Variants in DOK6 observed in about 807,000 individuals in gnomAD.
The protein encoded by DOK6 is docking protein 6, also known as downstream of tyrosine kinase 6.
DOK6 carries 22 observed loss-of-function variants against 44.0 expected under a neutral mutation model. That is an observed-to-expected ratio of 0.50 (90% CI 0.36 to 0.71). The LOEUF (loss-of-function observed/expected upper bound fraction) is 0.71. Ranked by LOEUF, DOK6 falls within the 30% of genes least tolerant of loss-of-function variation. The pLI, the probability that DOK6 is intolerant of heterozygous loss-of-function variation, is 0.00. For missense variants in DOK6, 340 were observed against 416.4 expected, an observed-to-expected ratio of 0.82 and a Z score of 1.60; for synonymous variants, 166 against 145.5, an observed-to-expected ratio of 1.14 and a Z score of -1.01.
At chr18:69,411,053 A>G (rs1978303879) in intron 1 of DOK6, among the ~76,000 whole-genome samples, 1 of 152,132 alleles carries the variant, frequency 6.6e-6, no homozygotes, top group Non-Finnish European at 1.5e-5. Flanking sequence ...GGGGAGAGAA[A>G]ATCGAAGCAA....
chr18:69,428,192 T>A (rs1978697811), intron 1 of DOK6, among the ~76,000 whole-genome samples: 1 of 152,068 alleles, frequency 6.6e-6, no homozygotes, highest in Admixed American at 6.5e-5. Context: ...AATATGGTTT[T>A]TATATATAGA....
At chr18:69,505,606 T>A (rs1459783496) in intron 1 of DOK6, among the ~76,000 whole-genome samples, 1 of 149,142 alleles carries the variant, frequency 6.7e-6, no homozygotes, top group African/African-American at 2.5e-5. Flanking sequence ...CAAGCGATTC[T>A]CCTGCCTCAG....
chr18:69,769,707 T>G (rs1979832249), intron 7 of DOK6, among the ~76,000 whole-genome samples: 1 of 152,142 alleles, frequency 6.6e-6, no homozygotes, highest in Non-Finnish European at 1.5e-5. Flanking sequence ...AATAAACTGC[T>G]GTATATAAAA....
Position 69,698,544 on chromosome 18 carries a change from C to T in DOK6, c.550C>T (p.Leu184=), listed in dbSNP as rs771435064. The change falls in exon 5 of 8, where the codon CTG becomes TTG. Residue 184 remains leucine (L), a synonymous_variant. Coordinates refer to ENST00000382713, the MANE Select transcript of DOK6 (RefSeq NM_152721.6). Reference sequence around the variant, plus strand: ...ACTGGTGATGTGGCCTCTCAGCTCACTGAGGAGATACGGTCGGGACTCAAC... The same window carrying T: ...ACTGGTGATGTGGCCTCTCAGCTCATTGAGGAGATACGGTCGGGACTCAAC... The part of the protein sequence containing the change: ...VKLVMWPLSS[L]RRYGRDSTWF... 2.3e-5 allele frequency: 37 copies of T among 1,613,946 alleles called. No individual in the cohort carries two copies. The South Asian group carries it at 4.0e-4, about 17-fold the overall frequency.
intron 2 of DOK6, among the ~76,000 whole-genome samples, chr18:69,589,560 T>C (rs532032576): frequency 6.6e-6 from 1 of 152,240 alleles, no homozygotes; most frequent in East Asian, 1.9e-4. Flanking sequence ...TAATCTCAAT[T>C]ATCATGATGC....
chr18:69,728,910 G>A (rs1028030716), intron 5 of DOK6, among the ~76,000 whole-genome samples: 1 of 152,064 alleles, frequency 6.6e-6, no homozygotes, highest in Non-Finnish European at 1.5e-5. Flanking sequence ...GATCTCTCAA[G>A]AACCACCATG....
At chr18:69,441,005 G>A (rs375163960) in intron 1 of DOK6, among the ~76,000 whole-genome samples, 4 of 152,018 alleles carry the variant, frequency 2.6e-5, no homozygotes, top group South Asian at 2.1e-4. Context: ...TATTTTAAGC[G>A]TTTGAAATTA....
chr18:69,699,795 A>G (rs890167370), intron 5 of DOK6, among the ~76,000 whole-genome samples: 3 of 152,208 alleles, frequency 2.0e-5, no homozygotes, highest in African/African-American at 4.8e-5. Flanking sequence ...CCTAAAATCT[A>G]TGATGCACCT....
At chr18:69,585,396 A>G (rs1490409520) in intron 2 of DOK6, among the ~76,000 whole-genome samples, 1 of 152,152 alleles carries the variant, frequency 6.6e-6, no homozygotes, top group Non-Finnish European at 1.5e-5. Flanking sequence ...TTTTATCACC[A>G]TCTTTTCAGT....
chr18:69,462,337 C>G (rs1479662422), intron 1 of DOK6, among the ~76,000 whole-genome samples: 1 of 151,960 alleles, frequency 6.6e-6, no homozygotes, highest in Non-Finnish European at 1.5e-5. Flanking sequence ...AGCTATTGGC[C>G]TTCTTGCATA....
chr18:69,757,601 G>T (rs1022441616), intron 6 of DOK6, among the ~76,000 whole-genome samples, 155 bp from the exon 7 acceptor site: 1 of 152,146 alleles, frequency 6.6e-6, no homozygotes, highest in Admixed American at 6.5e-5. Context: ...TTTGAGTAAT[G>T]ATTTTACTTT....
At chr18:69,807,261 T>G (rs1981077471) in intron 7 of DOK6, among the ~76,000 whole-genome samples, 1 of 151,810 alleles carries the variant, frequency 6.6e-6, no homozygotes, top group South Asian at 2.1e-4. Flanking sequence ...AGCCTCACAG[T>G]AACCATAAAG....
At chr18:69,450,704 C>T (rs1330088591) in intron 1 of DOK6, among the ~76,000 whole-genome samples, 57 of 151,532 alleles carry the variant, frequency 3.8e-4, no homozygotes, top group African/African-American at 1.2e-3. Context: ...AGACTAACAG[C>T]GGATCTCTTG....
intron 4 of DOK6, among the ~76,000 whole-genome samples, chr18:69,682,917 T>A (rs1343468754): frequency 6.6e-6 from 1 of 152,198 alleles, no homozygotes; most frequent in Non-Finnish European, 1.5e-5. Context: ...ACTCTTGATG[T>A]CCATCAATGA....
At chr18:69,535,581 G>A (rs893705499) in intron 1 of DOK6, among the ~76,000 whole-genome samples, 6 of 151,210 alleles carry the variant, frequency 4.0e-5, no homozygotes, top group Admixed American at 1.3e-4. Flanking sequence ...ATATATATAT[G>A]TGATTCATAT....
chr18:69,509,819 G>A (rs1981315901), intron 1 of DOK6, among the ~76,000 whole-genome samples: 1 of 151,982 alleles, frequency 6.6e-6, no homozygotes. Context: ...TTTATTCTAG[G>A]GTGAACACAA....
chr18:69,697,624 T>C (rs142877000), intron 4 of DOK6, among the ~76,000 whole-genome samples: 86 of 143,358 alleles, frequency 6.0e-4, no homozygotes, highest in African/African-American at 2.1e-3. Flanking sequence ...ATCTTATTTT[T>C]CAAAAAAAAA....
intron 4 of DOK6, among the ~76,000 whole-genome samples, chr18:69,688,581 G>A (rs991072079): frequency 6.6e-6 from 1 of 152,164 alleles, no homozygotes; most frequent in African/African-American, 2.4e-5. Flanking sequence ...GGAGTGCAGT[G>A]GTGCAATCTC....
intron 1 of DOK6, among the ~76,000 whole-genome samples, chr18:69,549,000 C>A (rs1160183225): frequency 6.7e-6 from 1 of 149,818 alleles, no homozygotes; most frequent in African/African-American, 2.4e-5. Flanking sequence ...GAGGCTGAGG[C>A]AGGAGAATGG....
Sources: gnomAD v4.1 joint callset for allele counts (sites outside exome capture counted in the v4.1 genomes callset) on GRCh38, gnomAD v4.1.1 for gene constraint, MANE v1.5 for transcripts, NCBI Gene and HGNC (gene_info 2026-07-23, HGNC 2026-07-21) for gene names.